MALSU1: variants seen among roughly 807,000 people sequenced by gnomAD.
MALSU1 encodes the protein mitochondrial assembly of ribosomal large subunit 1.
A neutral mutation model predicts 22.1 loss-of-function variants in MALSU1; 22 were observed. The ratio of observed to expected loss-of-function variants is 1.00; its 90% confidence interval spans 0.71 to 1.42. The LOEUF (loss-of-function observed/expected upper bound fraction) is 1.42. Ranked by LOEUF, MALSU1 falls within the 40% of genes most tolerant of loss-of-function variation. The probability of loss-of-function intolerance (pLI) is 0.00; values close to 1 mark genes in which losing one functional copy is unlikely to be tolerated. For synonymous variants in MALSU1, 153 were observed against 118.5 expected (o/e 1.29, Z -1.89); for missense variants, 379 against 308.3 (o/e 1.23, Z -1.72).
rs1445366545 is a variant in MALSU1 at position 23,310,475 on chromosome 7, T to TA, written c.*938dup. 3 of 152,188 alleles carry TA rather than the reference T, an allele frequency of 2.0e-5. No individual in the cohort carries two copies. Among genetic ancestry groups the TA allele is most frequent in the African/African-American group, 7.2e-5 (3 of 41,446 alleles). 9.4% of individuals were successfully genotyped at this position (152,188 alleles called of 1,614,324 possible). The stretch of plus-strand genomic sequence containing the variant: ...AATGCAGCACCTATGTGTATATTTT[T>TA]AAAAAATCAAATATTGGGGAAAAAA... On this transcript the variant is annotated 3_prime_UTR_variant, in exon 4 of 4. Coordinates refer to ENST00000466681, the MANE Select transcript of MALSU1 (RefSeq NM_138446.2).
At chr7:23,309,030 A>G (rs958854101) in intron 3 of MALSU1, among the ~76,000 whole-genome samples, 1 of 152,232 alleles carries the variant, frequency 6.6e-6, no homozygotes, top group Non-Finnish European at 1.5e-5. Flanking sequence ...AAAGGCAGTC[A>G]GTGTTTTTGC....
In MALSU1 at chr7:23,307,289, T is replaced by C. The variant is rs138421815; in HGVS notation, c.436-579T>C. 5.5e-3 allele frequency among the ~76,000 whole-genome samples: 845 copies of C among 152,360 alleles called. 3 individuals carry two copies. The highest frequency in any genetic ancestry group is 0.02 in the African/African-American group (815 of 41,582). ...CATTGATTTTGTCTTTTTCCTGCCC[T>C]AATTATCATTTCCTTTGATTTTGGG... On this transcript the variant is annotated intron_variant, in intron 2 of 3. Coordinates refer to ENST00000466681, the MANE Select transcript of MALSU1 (RefSeq NM_138446.2).
In MALSU1 at chr7:23,310,003, A is replaced by C. The variant is rs1055611694; in HGVS notation, c.*460A>C. The C allele has an allele frequency of 2.7e-5, 4 of 150,730 alleles. No individual in the cohort carries two copies. The highest frequency in any genetic ancestry group is 1.0e-4 in the African/African-American group (4 of 40,094). The allele number at this position is 150,730 out of a possible 1,614,324, so 9.3% of individuals were successfully genotyped here. ...TTCTGTAACCCTTCCAGAATACTCC[A>C]GTAACACAAGAAAGTAAACAAAGTG... On this transcript the variant is annotated 3_prime_UTR_variant, in exon 4 of 4. Coordinates refer to ENST00000466681, the MANE Select transcript of MALSU1 (RefSeq NM_138446.2).
At chr7:23,301,655 G>A (rs2128488898) in intron 2 of MALSU1, among the ~76,000 whole-genome samples, 1 of 152,298 alleles carries the variant, frequency 6.6e-6, no homozygotes, top group South Asian at 2.1e-4. Context: ...CTAGCTACAT[G>A]TGCCTATTTA....
At position 23,311,538 on chromosome 7, in the gene MALSU1, G is replaced by C. The variant is rs2128490396; in HGVS notation, c.*1995G>C. On this transcript the variant is annotated 3_prime_UTR_variant, in exon 4 of 4. Coordinates refer to ENST00000466681, the MANE Select transcript of MALSU1 (RefSeq NM_138446.2). ...GAATAAATGGTAGTGCTGCTCTCCA[G>C]ATACTAGGCACTGCTCCGTATTTTT... The C allele has an allele frequency of 6.6e-6, 1 of 152,410 alleles. No homozygotes were observed. The highest frequency in any genetic ancestry group is 1.5e-5 in the Non-Finnish European group (1 of 68,030). 9.4% of individuals were successfully genotyped at this position (152,410 alleles called of 1,614,324 possible).
chr7:23,301,653 A>G (rs947531631), intron 2 of MALSU1, among the ~76,000 whole-genome samples: 2 of 152,220 alleles, frequency 1.3e-5, no homozygotes, highest in African/African-American at 4.8e-5. Flanking sequence ...CACTAGCTAC[A>G]TGTGCCTATT....
Position 23,311,533 on chromosome 7 carries a change from C to G in MALSU1, c.*1990C>G, listed in dbSNP as rs1783829366. ...TGAAAGAATAAATGGTAGTGCTGCT[C>G]TCCAGATACTAGGCACTGCTCCGTA... is the stretch of plus-strand genomic sequence containing the variant. On this transcript the variant is annotated 3_prime_UTR_variant, in exon 4 of 4. Transcript: ENST00000466681. 1 of 152,324 alleles carries G rather than the reference C, an allele frequency of 6.6e-6. No homozygotes were observed. The allele number at this position is 152,324 out of a possible 1,614,324, so 9.4% of individuals were successfully genotyped here. A position where few individuals can be genotyped will look rare whatever the true frequency, so the allele number is the denominator to read the frequency against.
chr7:23,299,445 G>T lies in MALSU1; in HGVS notation c.93G>T (p.Glu31Asp). The T allele has an allele frequency of 6.2e-7, 1 of 1,606,316 alleles. No homozygotes were observed. Among genetic ancestry groups the T allele is most frequent in the African/African-American group, 1.3e-5 (1 of 75,010 alleles). Residue 31 changes from glutamate to aspartate, a missense_variant, in exon 1 of 4, where the codon GAG (glutamate) becomes GAT (aspartate). Coordinates refer to ENST00000466681, the MANE Select transcript of MALSU1 (RefSeq NM_138446.2). ...TGGCGGGGTCCGCGGTTGGAGCCGAGCCCGGGCTTCGGCTGCTGGCCGTGC... is the reference window on the plus strand; with the variant it reads ...TGGCGGGGTCCGCGGTTGGAGCCGATCCCGGGCTTCGGCTGCTGGCCGTGC... ...SSVAGSAVGAEPGLRLLAVQR... is the reference protein window; with the variant it reads ...SSVAGSAVGADPGLRLLAVQR...
chr7:23,306,439 T>C (rs529903631), intron 2 of MALSU1, among the ~76,000 whole-genome samples: 1 of 152,194 alleles, frequency 6.6e-6, no homozygotes, highest in Admixed American at 6.5e-5. Context: ...CTTTTTTTTT[T>C]TTATTGACGA....
chr7:23,304,826 G>C (rs533938184), intron 2 of MALSU1, among the ~76,000 whole-genome samples: 1 of 152,138 alleles, frequency 6.6e-6, no homozygotes, highest in Non-Finnish European at 1.5e-5. Flanking sequence ...ATATATTCTG[G>C]ATATTAATCC....
At chr7:23,305,722 T>C (rs113302341) in intron 2 of MALSU1, among the ~76,000 whole-genome samples, 10 of 152,316 alleles carry the variant, frequency 6.6e-5, no homozygotes, top group South Asian at 2.1e-4. Flanking sequence ...CAAAAAATAT[T>C]GTGATCTTGA....
At chr7:23,308,786 CG>C (rs1783759770) in intron 3 of MALSU1, among the ~76,000 whole-genome samples, 1 of 152,142 alleles carries the variant, frequency 6.6e-6, no homozygotes, top group Admixed American at 6.5e-5. Context: ...TCGCTATTAA[CG>C]TTTTGGACCA....
intron 2 of MALSU1, among the ~76,000 whole-genome samples, chr7:23,303,877 G>T (rs531317105): frequency 1.3e-5 from 2 of 151,792 alleles, no homozygotes; most frequent in South Asian, 4.2e-4. Context: ...AGGCCAAGGC[G>T]GGTAGTTCAC....
At position 23,309,752 on chromosome 7, in the gene MALSU1, T is replaced by G. The variant is rs573441622; in HGVS notation, c.*209T>G. ...ATCAGTACATTCTACCCAAAACTTA[T>G]GACACGCTGCCTTTATCCTGGAAAT... On this transcript the variant is annotated 3_prime_UTR_variant, in exon 4 of 4. Transcript: ENST00000466681. 6 of 341,604 alleles carry G rather than the reference T, an allele frequency of 1.8e-5. No individual in the cohort carries two copies. Among genetic ancestry groups the G allele is most frequent in the African/African-American group, 1.3e-4 (6 of 47,174 alleles). 21.2% of individuals were successfully genotyped at this position (341,604 alleles called of 1,614,324 possible).
At chr7:23,301,494 G>A (rs568273928) in intron 2 of MALSU1, among the ~76,000 whole-genome samples, 5 of 152,200 alleles carry the variant, frequency 3.3e-5, no homozygotes, top group African/African-American at 1.2e-4. Context: ...CCTGACCTCA[G>A]GGGATCCGCC....
chr7:23,300,531 T>A (rs1433340250), intron 1 of MALSU1, among the ~76,000 whole-genome samples: 1 of 152,204 alleles, frequency 6.6e-6, no homozygotes, highest in Non-Finnish European at 1.5e-5. Flanking sequence ...GTGATTGTGG[T>A]GTATTGCTCC....
In MALSU1 at chr7:23,303,120, C is replaced by A. The variant is rs191999577; in HGVS notation, c.435+2103C>A. Among the ~76,000 whole-genome samples, 8 of 152,314 alleles carry A rather than the reference C, an allele frequency of 5.3e-5. No individual in the cohort carries two copies. The East Asian group carries it at 1.4e-3, about 26-fold the overall frequency. ...CTTTAAGTACCTTCACATTGACTTA[C>A]AATCATTACCACCATCCGTCTCCAG... On this transcript the variant is annotated intron_variant, in intron 2 of 3. Transcript: ENST00000466681.
At chr7:23,299,701 T>C in intron 1 of MALSU1, 93 bp downstream of exon 1, 1 of 1,395,054 alleles carries the variant, frequency 7.2e-7, no homozygotes, top group Non-Finnish European at 9.6e-7. Context: ...TCTATGTGCA[T>C]TTCTCTTGGA....
At chr7:23,303,595 G>GA (rs976283029) in intron 2 of MALSU1, among the ~76,000 whole-genome samples, 22 of 151,938 alleles carry the variant, frequency 1.4e-4, no homozygotes, top group African/African-American at 5.3e-4. Context: ...TCAGAAGTTT[G>GA]AAACCAGCCT....
Sources: gnomAD v4.1 joint callset for allele counts (sites outside exome capture counted in the v4.1 genomes callset) on GRCh38, gnomAD v4.1.1 for gene constraint, MANE v1.5 for transcripts, NCBI Gene and HGNC (gene_info 2026-07-23, HGNC 2026-07-21) for gene names.